NELL1: variants seen among roughly 807,000 people sequenced by gnomAD.
NELL1 encodes the protein neural EGFL like 1.
In NELL1, 76 loss-of-function variants were observed where a neutral mutation model predicts 107.4. That is an observed-to-expected ratio of 0.71 (90% CI 0.59 to 0.86). NELL1 has a LOEUF of 0.86. Ranked by LOEUF, NELL1 falls within the 40% of genes least tolerant of loss-of-function variation. The probability of loss-of-function intolerance (pLI) is 0.00; values close to 1 mark genes in which losing one functional copy is unlikely to be tolerated. For missense variants in NELL1, 1,024 were observed against 1,005.5 expected, an observed-to-expected ratio of 1.02 and a Z score of -0.25; for synonymous variants, 353 against 341.2, an observed-to-expected ratio of 1.03 and a Z score of -0.38.
Position 21,505,303 on chromosome 11 carries a change from A to G in NELL1, c.1646-29071A>G, listed in dbSNP as rs57747593. ...ATACAAGCTACTAATCTATAAATTT[A>G]TCAAAACTACATGGAATAGAGGAAC... On this transcript the variant is annotated intron_variant, in intron 15 of 19. Transcript: ENST00000357134. Among the ~76,000 whole-genome samples the G allele has an allele frequency of 0.017, 2,546 of 152,270 alleles. 198 individuals are homozygous for G. In the East Asian group the frequency reaches 0.26, roughly 16 times the overall value.
At chr11:20,987,915 T>TA (rs1336078398) in intron 12 of NELL1, among the ~76,000 whole-genome samples, 1 of 152,226 alleles carries the variant, frequency 6.6e-6, no homozygotes, top group Non-Finnish European at 1.5e-5. Flanking sequence ...TTTTGTGGAA[T>TA]AATTTGTTGG....
At chr11:21,161,661 A>C (rs1856373436) in intron 13 of NELL1, among the ~76,000 whole-genome samples, 1 of 152,208 alleles carries the variant, frequency 6.6e-6, no homozygotes, top group African/African-American at 2.4e-5. Flanking sequence ...TTTATTAACC[A>C]AATTTTTTAA....
Position 21,570,840 on chromosome 11 carries a change from G to A in NELL1, c.2057G>A (p.Cys686Tyr), listed in dbSNP as rs759660614. The A allele has an allele frequency of 6.2e-7, 1 of 1,611,904 alleles. No homozygotes were observed. Among genetic ancestry groups the A allele is most frequent in the Non-Finnish European group, 8.5e-7 (1 of 1,178,680 alleles). Reference sequence around the variant, plus strand: ...GCTGACCTATTCTGTTGCCCAGAATGTGACACCAGAGTCACAAGTCAATGT... The same window carrying A: ...GCTGACCTATTCTGTTGCCCAGAATATGACACCAGAGTCACAAGTCAATGT... ...PSADLFCCPECDTRVTSQCLD... is the reference protein window; with the variant it reads ...PSADLFCCPEYDTRVTSQCLD... The change falls in exon 18 of 20, where the codon TGT becomes TAT. Residue 686 changes from cysteine (C) to tyrosine (Y), a missense_variant. Transcript: ENST00000357134.
chr11:21,114,598 C>T (rs1855187990), intron 13 of NELL1, among the ~76,000 whole-genome samples: 1 of 151,694 alleles, frequency 6.6e-6, no homozygotes, highest in Admixed American at 6.6e-5. Flanking sequence ...CAAAAAGTTG[C>T]AAAAGTTAAG....
chr11:20,670,983 A>G (rs928535703), intron 1 of NELL1, among the ~76,000 whole-genome samples: 1 of 152,256 alleles, frequency 6.6e-6, no homozygotes, highest in Non-Finnish European at 1.5e-5. Flanking sequence ...CCTCTTTGGC[A>G]GTTAGCCCGC....
intron 6 of NELL1, among the ~76,000 whole-genome samples, chr11:20,918,648 C>T (rs961631393): frequency 2.0e-5 from 3 of 151,886 alleles, no homozygotes; most frequent in Admixed American, 6.6e-5. Flanking sequence ...CTTATAAAAC[C>T]ATCAGATCTT....
chr11:20,935,439 A>G (rs545468022), intron 9 of NELL1, among the ~76,000 whole-genome samples: 80 of 152,202 alleles, frequency 5.3e-4, no homozygotes, highest in African/African-American at 1.8e-3. Flanking sequence ...GAAGTGAGAG[A>G]TAAAGCATGG....
At chr11:20,727,721 T>C (rs1855540371) in intron 2 of NELL1, among the ~76,000 whole-genome samples, 1 of 152,244 alleles carries the variant, frequency 6.6e-6, no homozygotes, top group African/African-American at 2.4e-5. Context: ...AGGGTTTTTA[T>C]GGTTTTAGGT....
intron 14 of NELL1, among the ~76,000 whole-genome samples, chr11:21,230,874 T>C (rs192315081): frequency 6.6e-6 from 1 of 152,196 alleles, no homozygotes; most frequent in Admixed American, 6.5e-5. Context: ...TTCTACTGAT[T>C]CCATCAATTT....
At chr11:21,113,389 A>G (rs143638438) in intron 12 of NELL1, among the ~76,000 whole-genome samples, 200 bp from the exon 13 acceptor site, 1 of 152,002 alleles carries the variant, frequency 6.6e-6, no homozygotes, top group African/African-American at 2.4e-5. Flanking sequence ...CTCACCATGC[A>G]TCGTTCTGGA....
intron 3 of NELL1, among the ~76,000 whole-genome samples, chr11:20,844,157 C>T (rs1353352959): frequency 1.3e-5 from 2 of 152,234 alleles, no homozygotes; most frequent in East Asian, 3.9e-4. Context: ...TTCCTGGATG[C>T]TGTATTTAAG....
intron 12 of NELL1, among the ~76,000 whole-genome samples, chr11:21,014,096 G>A (rs80031318): frequency 5.8e-4 from 89 of 152,176 alleles, no homozygotes; most frequent in Non-Finnish European, 9.6e-4. Context: ...GCAAATGGAG[G>A]CTGTTTCAGT....
intron 14 of NELL1, among the ~76,000 whole-genome samples, chr11:21,282,216 G>A (rs1394428983): frequency 6.6e-6 from 1 of 152,052 alleles, no homozygotes; most frequent in Non-Finnish European, 1.5e-5. Context: ...CTCAAAAGAA[G>A]ACATACAAAT....
At chr11:20,735,675 C>A (rs1329718767) in intron 2 of NELL1, among the ~76,000 whole-genome samples, 1 of 152,186 alleles carries the variant, frequency 6.6e-6, no homozygotes, top group East Asian at 1.9e-4. Flanking sequence ...GAGTGGCCAG[C>A]ATGAAACCTT....
At chr11:21,462,876 TAA>T (rs1853933649) in intron 15 of NELL1, among the ~76,000 whole-genome samples, 2 of 151,892 alleles carry the variant, frequency 1.3e-5, no homozygotes, top group Non-Finnish European at 1.5e-5. Flanking sequence ...CATAGAAAAA[TAA>T]ATTCTCAAAA....
chr11:21,018,136 A>G (rs1366229392), intron 12 of NELL1, among the ~76,000 whole-genome samples: 1 of 152,128 alleles, frequency 6.6e-6, no homozygotes, highest in Non-Finnish European at 1.5e-5. Context: ...GACATATTCA[A>G]TTACATATTT....
intron 12 of NELL1, among the ~76,000 whole-genome samples, chr11:20,961,864 G>A (rs7105756): frequency 0.3 from 45,875 of 151,744 alleles, 7,321 homozygotes; most frequent in East Asian, 0.5. Flanking sequence ...ACTATATATT[G>A]TTAATCCCTG....
intron 14 of NELL1, among the ~76,000 whole-genome samples, chr11:21,290,227 G>T (rs1849219677): frequency 6.6e-6 from 1 of 151,920 alleles, no homozygotes; most frequent in Non-Finnish European, 1.5e-5. Context: ...AAATTAGCTG[G>T]GCGTGGTGGT....
intron 16 of NELL1, among the ~76,000 whole-genome samples, chr11:21,553,498 T>A (rs565948273): frequency 1.4e-3 from 207 of 151,946 alleles, no homozygotes; most frequent in Non-Finnish European, 2.5e-3. Context: ...ACTCATATTC[T>A]AAAACTTGAA....
Sources: allele counts gnomAD v4.1 joint callset (sites outside exome capture counted in the v4.1 genomes callset), GRCh38; gene constraint gnomAD v4.1.1; transcripts MANE v1.5; gene names NCBI Gene and HGNC (gene_info 2026-07-23, HGNC 2026-07-21).